XKR4: variants seen among roughly 807,000 people sequenced by gnomAD.
XKR4 encodes the protein XK-related protein 4.
A neutral mutation model predicts 53.9 loss-of-function variants in XKR4; 12 were observed. The ratio of observed to expected loss-of-function variants is 0.22; its 90% CI spans 0.14 to 0.36. The LOEUF (loss-of-function observed/expected upper bound fraction) is 0.36, where lower values mean the gene tolerates loss of function less well. XKR4 is among the 10% of genes least tolerant of loss of function. The probability of loss-of-function intolerance (pLI) is 1.00; values close to 1 mark genes in which losing one functional copy is unlikely to be tolerated. For missense variants in XKR4, 799 were observed against 859.5 expected (o/e 0.93, Z 0.88); for synonymous variants, 354 against 362.4 (o/e 0.98, Z 0.26).
At chr8:55,281,000 A>G (rs933452832) in intron 1 of XKR4, among the ~76,000 whole-genome samples, 3 of 152,226 alleles carry the variant, frequency 2.0e-5, no homozygotes, top group East Asian at 1.9e-4. Flanking sequence ...TGTACTATAC[A>G]ACGAACTACT....
In XKR4 at chr8:55,441,361, T is replaced by C. The variant is rs1585574378; in HGVS notation, c.1007-81920T>C. Among the ~76,000 whole-genome samples the C allele has an allele frequency of 2.0e-5, 3 of 152,074 alleles. No individual in the cohort carries two copies. The South Asian group carries it at 6.2e-4, about 31-fold the overall frequency. On this transcript the variant is annotated intron_variant, in intron 2 of 2. Coordinates refer to ENST00000327381, the MANE Select transcript of XKR4 (RefSeq NM_052898.2). ...CTAAACTTACAGGCATTTAATAATA[T>C]ACCAACAAAATATAAAAGGCAAAGA...
chr8:55,326,053 G>A (rs1177324509), intron 1 of XKR4, among the ~76,000 whole-genome samples: 3 of 152,186 alleles, frequency 2.0e-5, no homozygotes, highest in Non-Finnish European at 2.9e-5. Flanking sequence ...ATGCCAAACC[G>A]AAGAATGTGG....
At chr8:55,124,126 A>G (rs1816429211) in intron 1 of XKR4, among the ~76,000 whole-genome samples, 1 of 152,114 alleles carries the variant, frequency 6.6e-6, no homozygotes, top group African/African-American at 2.4e-5. Flanking sequence ...AGATTTACAA[A>G]TGCCTCCCCT....
chr8:55,159,234 T>G (rs890279499), intron 1 of XKR4, among the ~76,000 whole-genome samples: 1 of 152,204 alleles, frequency 6.6e-6, no homozygotes, highest in Admixed American at 6.5e-5. Context: ...GGTATTTTAT[T>G]CTTTTATTGG....
At chr8:55,156,905 A>G (rs1420774528) in intron 1 of XKR4, among the ~76,000 whole-genome samples, 5 of 152,244 alleles carry the variant, frequency 3.3e-5, no homozygotes, top group Admixed American at 2.0e-4. Flanking sequence ...AAAATTGTTA[A>G]CAATTGGATG....
At chr8:55,477,868 AG>A (rs1396702877) in intron 2 of XKR4, among the ~76,000 whole-genome samples, 3 of 152,292 alleles carry the variant, frequency 2.0e-5, no homozygotes, top group Admixed American at 2.0e-4. Context: ...AAGAATACAA[AG>A]AAACAAACAA....
chr8:55,464,464 A>T (rs183025734), intron 2 of XKR4, among the ~76,000 whole-genome samples: 242 of 152,292 alleles, frequency 1.6e-3, no homozygotes, highest in African/African-American at 5.5e-3. Context: ...TTATGTATTG[A>T]TGGGACGTAT....
intron 1 of XKR4, among the ~76,000 whole-genome samples, chr8:55,223,919 T>C (rs921180611): frequency 6.6e-6 from 1 of 152,016 alleles, no homozygotes; most frequent in Non-Finnish European, 1.5e-5. Context: ...ATAGACCTAG[T>C]AGAAAGAATA....
intron 2 of XKR4, among the ~76,000 whole-genome samples, chr8:55,416,800 T>C (rs1473119597): frequency 2.0e-5 from 3 of 152,224 alleles, no homozygotes; most frequent in African/African-American, 4.8e-5. Flanking sequence ...CGATTCTCTA[T>C]GAATTTAAGC....
intron 2 of XKR4, among the ~76,000 whole-genome samples, chr8:55,380,767 G>C (rs1221120390): frequency 6.6e-6 from 1 of 152,238 alleles, no homozygotes; most frequent in African/African-American, 2.4e-5. Flanking sequence ...TACTGATTTC[G>C]CAGATGTATC....
At chr8:55,464,968 TG>T (rs1374427946) in intron 2 of XKR4, among the ~76,000 whole-genome samples, 2 of 152,004 alleles carry the variant, frequency 1.3e-5, no homozygotes, top group Non-Finnish European at 2.9e-5. Context: ...TACAAACCAC[TG>T]CTCAGTGAAA....
intron 2 of XKR4, among the ~76,000 whole-genome samples, chr8:55,402,287 T>C (rs1804612707): frequency 6.6e-6 from 1 of 152,248 alleles, no homozygotes; most frequent in Non-Finnish European, 1.5e-5. Flanking sequence ...TGCTCTGTGC[T>C]GAGCCCTGGC....
chr8:55,212,718 C>A (rs1305678673), intron 1 of XKR4, among the ~76,000 whole-genome samples: 1 of 152,140 alleles, frequency 6.6e-6, no homozygotes, highest in African/African-American at 2.4e-5. Flanking sequence ...ACTATGAGTG[C>A]TATTCATGGA....
intron 1 of XKR4, among the ~76,000 whole-genome samples, chr8:55,326,164 G>A (rs1585521983): frequency 6.6e-6 from 1 of 152,110 alleles, no homozygotes; most frequent in African/African-American, 2.4e-5. Flanking sequence ...AAAGAATACC[G>A]GAGACAGGCA....
chr8:55,161,442 A>C, intron 1 of XKR4: 1 of 433,524 alleles, frequency 2.3e-6, no homozygotes, highest in South Asian at 1.6e-5. Context: ...TCCCAAGGGA[A>C]ACTAGAGTCT....
chr8:55,118,902 G>T (rs1816349914), intron 1 of XKR4, among the ~76,000 whole-genome samples: 1 of 151,950 alleles, frequency 6.6e-6, no homozygotes, highest in African/African-American at 2.4e-5. Flanking sequence ...AATTTACTTA[G>T]ATTTTTGATA....
chr8:55,126,721 TG>T (rs1196941059), intron 1 of XKR4, among the ~76,000 whole-genome samples: 1 of 152,216 alleles, frequency 6.6e-6, no homozygotes, highest in African/African-American at 2.4e-5. Flanking sequence ...CAGCTAAATT[TG>T]CTTTGGGGTC....
intron 1 of XKR4, among the ~76,000 whole-genome samples, chr8:55,133,539 T>A (rs1009820102): frequency 6.6e-6 from 1 of 152,198 alleles, no homozygotes; most frequent in African/African-American, 2.4e-5. Context: ...CTGAGGTATC[T>A]CGTGTCTGTG....
intron 2 of XKR4, among the ~76,000 whole-genome samples, chr8:55,410,086 C>T (rs976701395): frequency 1.4e-5 from 2 of 145,714 alleles, no homozygotes. Context: ...TGTCATTTGC[C>T]TTTAAAAAAA....
Sources: allele counts gnomAD v4.1 joint callset (sites outside exome capture counted in the v4.1 genomes callset), GRCh38; gene constraint gnomAD v4.1.1; transcripts MANE v1.5; gene names NCBI Gene and HGNC (gene_info 2026-07-23, HGNC 2026-07-21).